Variants in DACH1 observed in about 807,000 individuals in gnomAD.
DACH1 encodes the protein dachshund homolog 1.
In DACH1, 12 loss-of-function variants were observed where a neutral mutation model predicts 54.2. The ratio of observed to expected loss-of-function variants is 0.22; its 90% confidence interval spans 0.14 to 0.36. The LOEUF (loss-of-function observed/expected upper bound fraction) is 0.36. Among genes scored for constraint, DACH1 ranks in the 10% least tolerant of loss-of-function variants. The pLI is 1.00. For missense variants in DACH1, 805 were observed against 929.8 expected (o/e 0.87, Z 1.75); for synonymous variants, 386 against 366.2 (o/e 1.05, Z -0.62).
intron 4 of DACH1, among the ~76,000 whole-genome samples, chr13:71,561,755 A>T (rs1413263443): frequency 6.6e-6 from 1 of 152,106 alleles, no homozygotes; most frequent in Non-Finnish European, 1.5e-5. Flanking sequence ...TATGATTTTA[A>T]TATGGAACCA....
chr13:71,582,079 A>G (rs117353123), intron 3 of DACH1, among the ~76,000 whole-genome samples: 2,745 of 152,278 alleles, frequency 0.018, 46 homozygotes, highest in South Asian at 0.037. Flanking sequence ...GCAGATATGG[A>G]AAGAATAAAG....
chr13:71,486,856 C>A (rs1413432681), intron 7 of DACH1, among the ~76,000 whole-genome samples: 2 of 141,660 alleles, frequency 1.4e-5, no homozygotes, highest in East Asian at 4.2e-4. Flanking sequence ...ATCTATCTAT[C>A]TATCTGAGAT....
At position 71,866,577 on chromosome 13, in the gene DACH1, C is replaced by T; in HGVS notation, c.193G>A (p.Ala65Thr). ...GTAGAGGTGACTGTGGCCGCCGCCG[C>T]CGCCGCCGAAGCGATGGGCTCCGGG... ...FRPEPIASAA[A>T]AAATVTSTGG... Residue 65 changes from alanine to threonine, a missense_variant, in exon 1 of 11, where the codon GCG becomes ACG. Coordinates refer to ENST00000613252, the MANE Select transcript of DACH1 (RefSeq NM_080759.6). 7.8e-7 allele frequency: 1 copy of T among 1,282,194 alleles called. No homozygotes were observed. Among genetic ancestry groups the T allele is most frequent in the Non-Finnish European group, 9.9e-7 (1 of 1,011,708 alleles). 79.4% of individuals were successfully genotyped at this position (1,282,194 alleles called of 1,614,324 possible).
chr13:71,479,866 C>T lies in DACH1; in HGVS notation c.1723-550G>A, dbSNP rs189455821. On this transcript the variant is annotated intron_variant, in intron 7 of 10. Transcript: ENST00000613252. ...GCTCTTTCTGTTCCCTTCCTGAATG[C>T]TTTTCCTCCAGATCTTTGCATGGCT... is the stretch of plus-strand genomic sequence containing the variant. Among the ~76,000 whole-genome samples, 869 of 152,230 alleles carry T rather than the reference C, an allele frequency of 5.7e-3. 4 individuals are homozygous for T. Among genetic ancestry groups the T allele is most frequent in the Non-Finnish European group, 8.3e-3 (567 of 68,022 alleles).
At chr13:71,758,917 T>C (rs1185644531) in intron 1 of DACH1, among the ~76,000 whole-genome samples, 1 of 144,310 alleles carries the variant, frequency 6.9e-6, no homozygotes, top group Non-Finnish European at 1.5e-5. Flanking sequence ...CATTATGTTG[T>C]TGCCAGTCTT....
At chr13:71,798,341 T>C (rs1365704377) in intron 1 of DACH1, among the ~76,000 whole-genome samples, 8 of 128,400 alleles carry the variant, frequency 6.2e-5, no homozygotes, top group African/African-American at 7.8e-5. Context: ...TATATATATA[T>C]ATATATATAT....
intron 10 of DACH1, among the ~76,000 whole-genome samples, chr13:71,443,053 A>G (rs1383872406): frequency 6.7e-6 from 1 of 148,404 alleles, no homozygotes; most frequent in East Asian, 1.9e-4. Context: ...AATTATATAT[A>G]TAATTATATA....
chr13:71,821,443 T>TTAAATTCTAAGATTTTAAATTTAAATG, intron 1 of DACH1, among the ~76,000 whole-genome samples: 1 of 149,794 alleles, frequency 6.7e-6, no homozygotes, highest in Non-Finnish European at 1.5e-5. Flanking sequence ...AAATTTAAAT[T>TTAAATTCTAAGATTTTAAATTTAAATG]TAAATTCTAA....
rs74096967 is a variant in DACH1 at position 71,601,460 on chromosome 13, T to C, written c.1127-28448A>G. On this transcript the variant is annotated intron_variant, in intron 3 of 10. Coordinates refer to ENST00000613252, the MANE Select transcript of DACH1 (RefSeq NM_080759.6). Reference sequence around the variant, plus strand: ...TAGTAATTTATGACTTTTTCTTGCTTTCTGTTCTTTTATTTGCCTTGTATT... The same window carrying C: ...TAGTAATTTATGACTTTTTCTTGCTCTCTGTTCTTTTATTTGCCTTGTATT... Among the ~76,000 whole-genome samples, 1,251 of 152,150 alleles carry C rather than the reference T, an allele frequency of 8.2e-3. 14 individuals carry two copies. Among genetic ancestry groups the C allele is most frequent in the African/African-American group, 0.027 (1,124 of 41,538 alleles).
Position 71,475,125 on chromosome 13 carries a change from T to A in DACH1, c.2083+16A>T, listed in dbSNP as rs1256010368. 6.2e-7 allele frequency: 1 copy of A among 1,612,488 alleles called. No homozygotes were observed. Among genetic ancestry groups the A allele is most frequent in the South Asian group, 1.1e-5 (1 of 91,044 alleles). ...TATAGCAAGATCTAGATTTATAGCC[T>A]TCTGCAAATTCCTACCTTGTATTGT... On this transcript the variant is annotated intron_variant, in intron 10 of 10. Transcript: ENST00000613252.
At chr13:71,474,024 A>G (rs1004392612) in intron 10 of DACH1, among the ~76,000 whole-genome samples, 2 of 152,198 alleles carry the variant, frequency 1.3e-5, no homozygotes, top group Non-Finnish European at 2.9e-5. Context: ...GTACTCTAAA[A>G]ATTCAGATCT....
chr13:71,731,290 C>CTT (rs1201969481), intron 1 of DACH1, among the ~76,000 whole-genome samples: 3,423 of 131,022 alleles, frequency 0.026, 107 homozygotes, highest in African/African-American at 0.06. Flanking sequence ...TCTTGATCTT[C>CTT]TTTTTTTTTT....
rs796395339 is a variant in DACH1, at chr13:71,856,587, C to G, written c.848+9335G>C. Reference sequence around the variant, plus strand: ...CTAAATGCAAAGATGAACTTTTTACCGAATACTGTGTACAAGGTTTTATAT... The same window carrying G: ...CTAAATGCAAAGATGAACTTTTTACGGAATACTGTGTACAAGGTTTTATAT... On this transcript the variant is annotated intron_variant, in intron 1 of 10. Transcript: ENST00000613252. Among the ~76,000 whole-genome samples, 3 of 151,630 alleles carry G rather than the reference C, an allele frequency of 2.0e-5. No homozygotes were observed. In the East Asian group the frequency reaches 5.8e-4, roughly 29 times the overall value.
chr13:71,590,315 T>C (rs1411516307), intron 3 of DACH1, among the ~76,000 whole-genome samples: 5 of 152,334 alleles, frequency 3.3e-5, no homozygotes, highest in Admixed American at 1.3e-4. Context: ...GTCATACTTA[T>C]ATTGTGTTTT....
chr13:71,656,420 G>T (rs758802073), intron 2 of DACH1, among the ~76,000 whole-genome samples: 5 of 151,898 alleles, frequency 3.3e-5, no homozygotes, highest in Non-Finnish European at 7.4e-5. Context: ...ACTTCTATTT[G>T]TCAGTATATA....
chr13:71,605,424 A>G (rs1053429528), intron 3 of DACH1, among the ~76,000 whole-genome samples: 1 of 151,810 alleles, frequency 6.6e-6, no homozygotes, highest in Non-Finnish European at 1.5e-5. Context: ...ACTTCTATTT[A>G]TGAAATCACA....
Position 71,866,188 on chromosome 13 carries a change from C to A in DACH1, c.582G>T (p.Arg194Ser). ...QNNECKMVDL[R>S]GAKVASFTVE... ...CCGTGAAGGAAGCCACTTTGGCCCC[C>A]CTCAGATCCACCATTTTGCACTCAT... The change falls in exon 1 of 11, where the codon AGG becomes AGT. Residue 194 changes from arginine to serine, a missense_variant. Arg to Ser is a moderately radical substitution (Grantham distance 110). Transcript: ENST00000613252. 1.2e-6 allele frequency: 2 copies of A among 1,612,944 alleles called. No homozygotes were observed. The highest frequency in any genetic ancestry group is 1.1e-5 in the South Asian group (1 of 90,952).
At chr13:71,478,748 G>C (rs982522441) in intron 8 of DACH1, among the ~76,000 whole-genome samples, 1 of 152,076 alleles carries the variant, frequency 6.6e-6, no homozygotes, top group Non-Finnish European at 1.5e-5. Context: ...AATTTCAGTT[G>C]ATAAATATCT....
chr13:71,838,391 A>G (rs1888880179), intron 1 of DACH1, among the ~76,000 whole-genome samples: 2 of 152,188 alleles, frequency 1.3e-5, no homozygotes, highest in Non-Finnish European at 2.9e-5. Context: ...ATTGGTTTTG[A>G]TTATAAGTGT....
Sources: allele counts gnomAD v4.1 joint callset (sites outside exome capture counted in the v4.1 genomes callset), GRCh38; gene constraint gnomAD v4.1.1; transcripts MANE v1.5; gene names NCBI Gene and HGNC (gene_info 2026-07-23, HGNC 2026-07-21).